The following PRDM8 variants were observed in gnomAD, a reference collection of about 807,000 sequenced individuals.
PRDM8 encodes the protein PR domain zinc finger protein 8.
PRDM8 carries 13 observed loss-of-function variants against 46.5 expected under a neutral mutation model. The observed-to-expected ratio is 0.28, with a 90% CI of 0.18 to 0.44. PRDM8 has a LOEUF of 0.44. Among genes scored for constraint, PRDM8 ranks in the 20% least tolerant of loss-of-function variants. PRDM8 has a pLI of 1.00. For synonymous variants in PRDM8, 473 were observed against 438.4 expected (o/e 1.08, Z -0.98); for missense variants, 998 against 955.0 (o/e 1.04, Z -0.59).
upstream of PRDM8, chr4:80,197,328 G>A (rs749938371): frequency 3.1e-5 from 30 of 965,362 alleles, no homozygotes; most frequent in Non-Finnish European, 3.5e-5. Context: ...GCCACCCGGG[G>A]TAGGCGCTCA....
At chr4:80,197,419 G>A, upstream of PRDM8, 1 of 984,864 alleles carries the variant, frequency 1.0e-6, no homozygotes. Flanking sequence ...CCAGCAAAGA[G>A]TTAAAGGGAG....
At chr4:80,201,549 G>A in intron 3 of PRDM8, 28 bp downstream of exon 3, 1 of 1,599,414 alleles carries the variant, frequency 6.3e-7, no homozygotes, top group Non-Finnish European at 8.6e-7. Context: ...CGGCGTGTGG[G>A]CCCTTAACTA....
Position 80,202,073 on chromosome 4 carries a change from G to T in PRDM8, c.611G>T (p.Gly204Val). ...GGGVGTKDHG[G>V]GGGGGKDQQQ... ...GGCGTGGGCACCAAGGACCACGGGG[G>T]CGGCGGCGGCGGTGGCAAAGACCAG... is the stretch of plus-strand genomic sequence containing the variant. The change falls in exon 4 of 4, where the codon GGC (glycine) becomes GTC (valine). Residue 204 changes from glycine (G) to valine (V), a missense_variant. Transcript: ENST00000415738. 1.2e-6 allele frequency: 2 copies of T among 1,613,320 alleles called. No individual in the cohort carries two copies. Among genetic ancestry groups the T allele is most frequent in the Non-Finnish European group, 1.7e-6 (2 of 1,179,726 alleles).
chr4:80,187,359 A>C (rs1187062146), intron 1 of PRDM8, among the ~76,000 whole-genome samples: 1 of 151,622 alleles, frequency 6.6e-6, no homozygotes, highest in Non-Finnish European at 1.5e-5. Context: ...ATTATCTATG[A>C]AGAACAGAAA....
Position 80,201,791 on chromosome 4 carries a change from A to G in PRDM8, c.452-123A>G, listed in dbSNP as rs185203507. The G allele has an allele frequency of 4.0e-5, 55 of 1,391,800 alleles. No homozygotes were observed. The Admixed American group carries it at 9.7e-4, about 24-fold the overall frequency. The allele number at this position is 1,391,800 out of a possible 1,614,324, so 86.2% of individuals were successfully genotyped here. A position where few individuals can be genotyped will look rare whatever the true frequency, so the allele number is the denominator to read the frequency against. On this transcript the variant is annotated intron_variant, in intron 3 of 3. Transcript: ENST00000415738. ...TCAGGCACTCAGGCCCTGAGAAATG[A>G]AGGTGGATTTGTCAAGGGGATGGTG...
chr4:80,201,247 C>T, intron 2 of PRDM8, 43 bp from the exon 3 acceptor site: 1 of 1,546,744 alleles, frequency 6.5e-7, no homozygotes, highest in East Asian at 2.3e-5. Context: ...GGGTCCCTCT[C>T]CCCCTCTCCT....
chr4:80,200,711 T>C (rs928525975), intron 2 of PRDM8, among the ~76,000 whole-genome samples: 3 of 152,192 alleles, frequency 2.0e-5, no homozygotes, highest in Non-Finnish European at 4.4e-5. Flanking sequence ...GATTAGTTTC[T>C]TTGGTAATAT....
At chr4:80,196,834 C>G (rs904676243), upstream of PRDM8, 9 of 910,260 alleles carry the variant, frequency 9.9e-6, no homozygotes, top group African/African-American at 1.8e-5. Flanking sequence ...TACCCGTGTC[C>G]TGGGACTAGG....
chr4:80,192,657 CA>C (rs1320598711), upstream of PRDM8, among the ~76,000 whole-genome samples: 17 of 152,158 alleles, frequency 1.1e-4, no homozygotes, highest in Admixed American at 1.1e-3. Context: ...ACAGATTTGA[CA>C]AAAATCCAAG....
In PRDM8 at chr4:80,204,009, G is replaced by T; in HGVS notation, c.*477G>T. 1 of 152,886 alleles carries T rather than the reference G, an allele frequency of 6.5e-6. No individual in the cohort carries two copies. Among genetic ancestry groups the T allele is most frequent in the Non-Finnish European group, 1.5e-5 (1 of 68,194 alleles). The allele number at this position is 152,886 out of a possible 1,614,324, so 9.5% of individuals were successfully genotyped here. On this transcript the variant is annotated 3_prime_UTR_variant, in exon 4 of 4. Coordinates refer to ENST00000415738, the MANE Select transcript of PRDM8 (RefSeq NM_001099403.2). ...TTTTAGATATAAAGTAAAGGAGGAG[G>T]GTGAGATGCTTTCTGCATTTCTTGA...
rs1446618799 is a variant in PRDM8 at position 80,201,585 on chromosome 4, A to T, written c.451+64A>T. ...GCGGGGGAGAGACGCAGGGAGCGGC[A>T]GGGGCTCACCCGGCGCGTTGGCGCG... On this transcript the variant is annotated intron_variant, in intron 3 of 3. Transcript: ENST00000415738. 11 of 1,519,150 alleles carry T rather than the reference A, an allele frequency of 7.2e-6. No homozygotes were observed. The Admixed American group carries it at 1.9e-4, about 26-fold the overall frequency. 94.1% of individuals were successfully genotyped at this position (1,519,150 alleles called of 1,614,324 possible). A position where few individuals can be genotyped will look rare whatever the true frequency, so the allele number is the denominator to read the frequency against.
intron 1 of PRDM8, among the ~76,000 whole-genome samples, chr4:80,198,994 G>GTTTTTTTTTTTTTT (rs1310531623): frequency 0.016 from 1,003 of 63,116 alleles, no homozygotes; most frequent in Non-Finnish European, 0.019. Flanking sequence ...TTTTTTTTTT[G>GTTTTTTTTTTTTTT]TTTTTTTTTT....
upstream of PRDM8, among the ~76,000 whole-genome samples, chr4:80,195,694 T>C (rs1477114394): frequency 1.3e-5 from 2 of 152,116 alleles, no homozygotes; most frequent in South Asian, 2.1e-4. Flanking sequence ...TTAGCCGAAG[T>C]AGATAAAATT....
intron 1 of PRDM8, 42 bp downstream of exon 1, chr4:80,197,805 G>A (rs1738078640): frequency 1.0e-6 from 1 of 981,500 alleles, no homozygotes; most frequent in Admixed American, 6.1e-5. Flanking sequence ...ATGGGAGGAA[G>A]ACAGTTTGGT....
Position 80,202,327 on chromosome 4 carries a change from AGCGGCGGCG to A in PRDM8, c.874_882del (p.Gly292_Gly294del), listed in dbSNP as rs752636419. Reference sequence around the variant, plus strand: ...CCAGAGCCTCAGCAGCGGTAGCGGCAGCGGCGGCGGCGGCGGCCACCAGGAGGCGGAGCT... The same window carrying A: ...CCAGAGCCTCAGCAGCGGTAGCGGCAGCGGCGGCCACCAGGAGGCGGAGCT... On this transcript the variant is annotated inframe_deletion, in exon 4 of 4. Coordinates refer to ENST00000415738, the MANE Select transcript of PRDM8 (RefSeq NM_001099403.2). 2.3e-5 allele frequency: 37 copies of A among 1,584,734 alleles called. No homozygotes were observed. The highest frequency in any genetic ancestry group is 1.7e-4 in the Middle Eastern group (1 of 5,940).
At position 80,197,866 on chromosome 4, in the gene PRDM8, AG is replaced by A. The variant is rs1162411553; in HGVS notation, c.-3+104del. 6 of 908,552 alleles carry A rather than the reference AG, an allele frequency of 6.6e-6. No individual in the cohort carries two copies. In the African/African-American group the frequency reaches 1.1e-4, roughly 16 times the overall value. 56.3% of individuals were successfully genotyped at this position (908,552 alleles called of 1,614,324 possible). On this transcript the variant is annotated intron_variant, in intron 1 of 3. Transcript: ENST00000415738. Reference sequence around the variant, plus strand: ...CGTCTCCTTATTATCCAGAAGAGAGAGAAAAATAATTCTTGAGGGGCTGTCT... The same window carrying A: ...CGTCTCCTTATTATCCAGAAGAGAGAAAAAATAATTCTTGAGGGGCTGTCT...
At chr4:80,199,430 G>A (rs1738248185) in intron 1 of PRDM8, among the ~76,000 whole-genome samples, 1 of 152,106 alleles carries the variant, frequency 6.6e-6, no homozygotes, top group South Asian at 2.1e-4. Context: ...ATGGTAATGA[G>A]CAGACATACG....
upstream of PRDM8, chr4:80,196,258 T>C: frequency 1.0e-6 from 1 of 959,636 alleles, no homozygotes; most frequent in Non-Finnish European, 1.2e-6. Context: ...ATCCTAATGC[T>C]GACAGATTGC....
chr4:80,188,347 T>C (rs1737279447), intron 1 of PRDM8, among the ~76,000 whole-genome samples: 1 of 152,234 alleles, frequency 6.6e-6, no homozygotes, highest in Admixed American at 6.5e-5. Context: ...TATGATGTTA[T>C]TGATGTTAAA....
Sources: gnomAD v4.1 joint callset for allele counts (sites outside exome capture counted in the v4.1 genomes callset) on GRCh38, gnomAD v4.1.1 for gene constraint, MANE v1.5 for transcripts, NCBI Gene and HGNC (gene_info 2026-07-23, HGNC 2026-07-21) for gene names.